RBFOX1: variants seen among roughly 807,000 people sequenced by gnomAD.
RBFOX1 encodes RNA binding fox-1 homolog 1.
In RBFOX1, 8 loss-of-function variants were observed where a neutral mutation model predicts 57.7. The observed-to-expected ratio is 0.14, with a 90% confidence interval of 0.08 to 0.25. RBFOX1 has a LOEUF of 0.25. RBFOX1 is among the 10% of genes least tolerant of loss of function. The pLI, the probability that RBFOX1 is intolerant of heterozygous loss-of-function variation, is 1.00. For missense variants in RBFOX1, 611 were observed against 548.5 expected (o/e 1.11, Z -1.14); for synonymous variants, 326 against 222.4 (o/e 1.47, Z -4.15).
chr16:7,346,553 G>T (rs574435234), intron 4 of RBFOX1, among the ~76,000 whole-genome samples: 1 of 151,816 alleles, frequency 6.6e-6, no homozygotes, highest in East Asian at 2.0e-4. Context: ...CTCCTGTGTA[G>T]AATGCTCCTC....
Position 7,260,629 on chromosome 16 carries a change from G to A in RBFOX1, c.27+208531G>A, listed in dbSNP as rs567431994. 3.3e-5 allele frequency among the ~76,000 whole-genome samples: 5 copies of A among 152,170 alleles called. No individual in the cohort carries two copies. In the South Asian group the frequency reaches 1.0e-3, roughly 32 times the overall value. On this transcript the variant is annotated intron_variant, in intron 4 of 15. Coordinates refer to ENST00000550418, the MANE Select transcript of RBFOX1 (RefSeq NM_018723.4). ...GTAAGATAACAGAGTCTGGCTAAAG[G>A]GCACGTTTGGTGTTATATTCCATTA...
chr16:6,879,294 C>T (rs1416521983), intron 3 of RBFOX1, among the ~76,000 whole-genome samples: 3 of 152,182 alleles, frequency 2.0e-5, no homozygotes, highest in Non-Finnish European at 4.4e-5. Context: ...GGCAGCCCAA[C>T]ACTATATGCC....
In RBFOX1 at chr16:6,339,435, A is replaced by G. The variant is rs1197059499; in HGVS notation, c.-64+22378A>G. Among the ~76,000 whole-genome samples the G allele has an allele frequency of 2.6e-5, 4 of 152,182 alleles. No homozygotes were observed. In the South Asian group the frequency reaches 6.2e-4, roughly 24 times the overall value. On this transcript the variant is annotated intron_variant, in intron 2 of 15. Coordinates refer to ENST00000550418, the MANE Select transcript of RBFOX1 (RefSeq NM_018723.4). ...ACGAGGAGCAGCAAACATCAAATCC[A>G]TCTCCCGGAGGAGCTGAGGGCTAGG...
At chr16:7,512,827 G>T (rs553306794) in intron 4 of RBFOX1, among the ~76,000 whole-genome samples, 1 of 152,318 alleles carries the variant, frequency 6.6e-6, no homozygotes, top group Admixed American at 6.5e-5. Context: ...CCTTTCGAAT[G>T]GTCACCCACC....
At chr16:5,356,381 A>G (rs1484002653) in intron 1 of RBFOX1, among the ~76,000 whole-genome samples, 7 of 152,316 alleles carry the variant, frequency 4.6e-5, no homozygotes, top group South Asian at 2.1e-4. Flanking sequence ...TGACAGCCGT[A>G]GGAAACTCTA....
chr16:6,367,715 TATCTTTTGG>T (rs986943535), intron 2 of RBFOX1, among the ~76,000 whole-genome samples: 1 of 150,570 alleles, frequency 6.6e-6, no homozygotes, highest in Non-Finnish European at 1.5e-5. Flanking sequence ...TTTTCTATTG[TATCTTTTGG>T]ACAGGTAGAA....
In RBFOX1 at chr16:5,329,078, A is replaced by T. The variant is rs189400667; in HGVS notation, c.219+88973A>T. Among the ~76,000 whole-genome samples, 128 of 152,310 alleles carry T rather than the reference A, an allele frequency of 8.4e-4. 1 individual carries two copies. In the Middle Eastern group the frequency reaches 0.014, roughly 16 times the overall value. On this transcript the variant is annotated intron_variant, in intron 1 of 2. Coordinates refer to the RBFOX1 transcript ENST00000585867. ...AGTTTTACATATATTGTTTTATTTG[A>T]TTCTCACGAATCCCATGGAGTAGTT...
intron 4 of RBFOX1, among the ~76,000 whole-genome samples, chr16:5,897,095 G>A (rs969692573): frequency 7.4e-6 from 1 of 134,492 alleles, no homozygotes; most frequent in African/African-American, 2.8e-5. Context: ...GACTGCAGTG[G>A]CGCAATCTCG....
intron 13 of RBFOX1, among the ~76,000 whole-genome samples, chr16:7,670,125 A>G (rs571529980): frequency 4.6e-5 from 7 of 152,272 alleles, no homozygotes; most frequent in South Asian, 4.1e-4. Flanking sequence ...TCTGCCTCCC[A>G]GGTTCAAGCA....
At chr16:5,475,152 A>G (rs530210362) in intron 2 of RBFOX1, among the ~76,000 whole-genome samples, 2 of 152,328 alleles carry the variant, frequency 1.3e-5, no homozygotes, top group East Asian at 1.9e-4. Context: ...TTTAGTGCAA[A>G]TATATTTGCC....
At chr16:6,930,498 C>T (rs908740178) in intron 3 of RBFOX1, among the ~76,000 whole-genome samples, 2 of 151,356 alleles carry the variant, frequency 1.3e-5, no homozygotes, top group East Asian at 3.9e-4. Flanking sequence ...CAACCTCTGC[C>T]TTCTGGGTTC....
At chr16:6,718,461 G>A (rs2065273483) in intron 3 of RBFOX1, among the ~76,000 whole-genome samples, 1 of 151,912 alleles carries the variant, frequency 6.6e-6, no homozygotes, top group South Asian at 2.1e-4. Flanking sequence ...ATTGATGATG[G>A]TGATAGGTGT....
intron 4 of RBFOX1, among the ~76,000 whole-genome samples, chr16:7,214,090 T>TAAA (rs1567734513): frequency 7.2e-6 from 1 of 139,174 alleles, no homozygotes; most frequent in Non-Finnish European, 1.6e-5. Flanking sequence ...AAAAAAAAAT[T>TAAA]TTTCCACTTC....
chr16:6,670,221 G>A (rs533319596), intron 3 of RBFOX1, among the ~76,000 whole-genome samples: 5 of 152,024 alleles, frequency 3.3e-5, no homozygotes, highest in South Asian at 4.2e-4. Context: ...GCACCGTTAT[G>A]CCTGGCTATG....
chr16:5,966,741 C>G (rs1019344029), intron 4 of RBFOX1, among the ~76,000 whole-genome samples: 25 of 152,040 alleles, frequency 1.6e-4, no homozygotes, highest in African/African-American at 6.0e-4. Flanking sequence ...CACAAGAAAC[C>G]TGTCTCCATG....
At chr16:6,957,110 T>TATTA in intron 3 of RBFOX1, among the ~76,000 whole-genome samples, 1 of 123,814 alleles carries the variant, frequency 8.1e-6, no homozygotes, top group African/African-American at 3.2e-5. Context: ...ATTTTTTTAT[T>TATTA]TTTATTTTTA....
chr16:6,235,262 A>C (rs1331184551), intron 1 of RBFOX1, among the ~76,000 whole-genome samples: 2 of 151,646 alleles, frequency 1.3e-5, no homozygotes, highest in African/African-American at 2.4e-5. Context: ...GGAAGGCCTA[A>C]CTCCCCTCCT....
intron 2 of RBFOX1, among the ~76,000 whole-genome samples, chr16:5,528,269 G>C (rs769924018): frequency 6.6e-6 from 1 of 152,092 alleles, no homozygotes; most frequent in Non-Finnish European, 1.5e-5. Context: ...TCAGTTTTCC[G>C]TGGGGGAGTG....
At chr16:5,399,565 C>T (rs2066655881) in intron 1 of RBFOX1, among the ~76,000 whole-genome samples, 1 of 151,478 alleles carries the variant, frequency 6.6e-6, no homozygotes, top group Admixed American at 6.6e-5. Flanking sequence ...ATGGCAAGAC[C>T]CTGCAAAAAA....
Sources: allele counts gnomAD v4.1 joint callset (sites outside exome capture counted in the v4.1 genomes callset), GRCh38; gene constraint gnomAD v4.1.1; transcripts MANE v1.5; gene names NCBI Gene and HGNC (gene_info 2026-07-23, HGNC 2026-07-21).